The following INPP5E variants were observed in gnomAD, a reference collection of about 807,000 sequenced individuals.
The protein encoded by INPP5E is inositol polyphosphate-5-phosphatase E.
In INPP5E, 34 loss-of-function variants were observed where a neutral mutation model predicts 50.5. That is an observed-to-expected ratio of 0.67 (90% CI 0.51 to 0.90). The LOEUF (loss-of-function observed/expected upper bound fraction) is 0.90, where lower values mean the gene tolerates loss of function less well. Among genes scored for constraint, INPP5E ranks in the 40% least tolerant of loss-of-function variants. The probability of loss-of-function intolerance (pLI) is 0.00; values close to 1 mark genes in which losing one functional copy is unlikely to be tolerated. For synonymous variants in INPP5E, 447 were observed against 406.0 expected (o/e 1.10, Z -1.21); for missense variants, 942 against 905.5 (o/e 1.04, Z -0.52).
At position 136,429,427 on chromosome 9, in the gene INPP5E, C is replaced by G. The variant is rs1437545444; in HGVS notation, c.*248G>C. 2 of 597,530 alleles carry G rather than the reference C, an allele frequency of 3.3e-6. No individual in the cohort carries two copies. The highest frequency in any genetic ancestry group is 6.0e-6 in the Non-Finnish European group (2 of 331,578). 37.0% of individuals were successfully genotyped at this position (597,530 alleles called of 1,614,324 possible). A position where few individuals can be genotyped will look rare whatever the true frequency, so the allele number is the denominator to read the frequency against. ...TGGTGCTGCTGGGCGGGTCCAAACC[C>G]TGCCACCCATGCTGTATGGACCTGC... On this transcript the variant is annotated 3_prime_UTR_variant, in exon 10 of 10. Coordinates refer to ENST00000371712, the MANE Select transcript of INPP5E (RefSeq NM_019892.6).
chr9:136,434,824 C>G lies in INPP5E; in HGVS notation c.852G>C (p.Leu284=). 1.9e-6 allele frequency: 3 copies of G among 1,610,830 alleles called. No homozygotes were observed. Among genetic ancestry groups the G allele is most frequent in the Non-Finnish European group, 2.5e-6 (3 of 1,179,326 alleles). Residue 284 remains leucine (L), a synonymous_variant, in exon 2 of 10, where the codon CTG becomes CTC. Transcript: ENST00000371712. ...AGCGGGCCAGCTCATCCGCCCCCAA[C>G]AGGGCCCCGCTGGCCAGGAGGCTGC... ...LEGSLLASGA[L]LGADELARYF...
intron 2 of INPP5E, 57 bp downstream of exon 2, chr9:136,434,683 G>A (rs549963788): frequency 6.0e-5 from 94 of 1,561,432 alleles, no homozygotes; most frequent in African/African-American, 5.6e-4. Context: ...CCCCTCACCC[G>A]CCTTTGTCCA....
chr9:136,429,653 G>A lies in INPP5E; in HGVS notation c.*22C>T. On this transcript the variant is annotated 3_prime_UTR_variant, in exon 10 of 10. Coordinates refer to ENST00000371712, the MANE Select transcript of INPP5E (RefSeq NM_019892.6). The stretch of plus-strand genomic sequence containing the variant: ...AATACAATCACCCCACGTTGCAGCT[G>A]TGAGTCCTCGTTCAGCAAACTTCAA... The A allele has an allele frequency of 6.2e-7, 1 of 1,613,542 alleles. No individual in the cohort carries two copies.
chr9:136,439,486 G>A lies in INPP5E; in HGVS notation c.-67C>T. ...GCAGCGCGAGGGGTCACGGGTGCCG[G>A]GTCCGGGGTCGCCGGCGCAGCGAGG... is the stretch of plus-strand genomic sequence containing the variant. On this transcript the variant is annotated 5_prime_UTR_variant, in exon 1 of 10. Coordinates refer to ENST00000371712, the MANE Select transcript of INPP5E (RefSeq NM_019892.6). 2 of 1,220,358 alleles carry A rather than the reference G, an allele frequency of 1.6e-6. No homozygotes were observed. Among genetic ancestry groups the A allele is most frequent in the Non-Finnish European group, 2.1e-6 (2 of 938,660 alleles). 75.6% of individuals were successfully genotyped at this position (1,220,358 alleles called of 1,614,324 possible). A position where few individuals can be genotyped will look rare whatever the true frequency, so the allele number is the denominator to read the frequency against.
chr9:136,438,419 A>G (rs1405201804), intron 1 of INPP5E, 189 bp downstream of exon 1: 5 of 629,090 alleles, frequency 7.9e-6, no homozygotes, highest in Non-Finnish European at 1.4e-5. Context: ...TGAAACGCAC[A>G]GGAAAAGTTC....
At position 136,431,255 on chromosome 9, in the gene INPP5E, C is replaced by T. The variant is rs1206948987; in HGVS notation, c.1550-138G>A. 6.0e-5 allele frequency: 26 copies of T among 436,488 alleles called. 4 individuals are homozygous for T. Among genetic ancestry groups the T allele is most frequent in the South Asian group, 3.0e-4 (17 of 56,728 alleles). The allele number at this position is 436,488 out of a possible 1,614,324, so 27.0% of individuals were successfully genotyped here. A position where few individuals can be genotyped will look rare whatever the true frequency, so the allele number is the denominator to read the frequency against. On this transcript the variant is annotated intron_variant, in intron 7 of 9. Transcript: ENST00000371712. ...CAGGCCCTCACCTTTCCTCATCTCC[C>T]GCCACGCCCGCCCCCCCAGGCCCTC...
At chr9:136,430,138 C>T (rs771705093) in intron 9 of INPP5E, 139 bp downstream of exon 9, 375 of 1,167,714 alleles carry the variant, frequency 3.2e-4, no homozygotes, top group Non-Finnish European at 4.0e-4. Flanking sequence ...TGAGTCCAAC[C>T]GATCCCGGGG....
intron 1 of INPP5E, chr9:136,438,286 G>T: frequency 2.2e-6 from 1 of 447,144 alleles, no homozygotes; most frequent in Non-Finnish European, 4.1e-6. Flanking sequence ...AACAACCAAA[G>T]GGGCGGATCG....
At position 136,438,679 on chromosome 9, in the gene INPP5E, G is replaced by A. The variant is rs1416206447; in HGVS notation, c.741C>T (p.Asp247=). ...GRPRSPLACD[D]CSLRSAKSSF... The stretch of plus-strand genomic sequence containing the variant: ...AGGATTTGGCCGAGCGAAGGGAACA[G>A]TCGTCGCAGGCCAGGGGGCTCCGCG... Residue 247 remains aspartate (D), a synonymous_variant, in exon 1 of 10, where the codon GAC becomes GAT. Transcript: ENST00000371712. 5.0e-6 allele frequency: 8 copies of A among 1,595,748 alleles called. No individual in the cohort carries two copies. Among genetic ancestry groups the A allele is most frequent in the Non-Finnish European group, 6.8e-6 (8 of 1,171,746 alleles).
Position 136,429,507 on chromosome 9 carries a change from A to G in INPP5E, c.*168T>C, listed in dbSNP as rs1835649113. ...CCCACACCGTGTGGACCTGCCACAGAGGACAGGCTCGCTCAGGGTTGGCTT... is the reference window on the plus strand; with the variant it reads ...CCCACACCGTGTGGACCTGCCACAGGGGACAGGCTCGCTCAGGGTTGGCTT... On this transcript the variant is annotated 3_prime_UTR_variant, in exon 10 of 10. Transcript: ENST00000371712. 1.1e-6 allele frequency: 1 copy of G among 872,372 alleles called. No individual in the cohort carries two copies. Among genetic ancestry groups the G allele is most frequent in the South Asian group, 1.4e-5 (1 of 73,664 alleles). The allele number at this position is 872,372 out of a possible 1,614,324, so 54.0% of individuals were successfully genotyped here. A position where few individuals can be genotyped will look rare whatever the true frequency, so the allele number is the denominator to read the frequency against.
At position 136,429,815 on chromosome 9, in the gene INPP5E, G is replaced by T; in HGVS notation, c.1803-8C>A. ...CCAGCTGCCAACGGAATGCTGTGGA[G>T]GAGGAGGGGGCGTTAGGAGGGCACC... On this transcript the variant is annotated splice_polypyrimidine_tract_variant and splice_region_variant and intron_variant, in intron 9 of 9. Transcript: ENST00000371712. 6.2e-7 allele frequency: 1 copy of T among 1,612,998 alleles called. No homozygotes were observed. Among genetic ancestry groups the T allele is most frequent in the Non-Finnish European group, 8.5e-7 (1 of 1,179,722 alleles).
chr9:136,432,864 A>G (rs1282426245), intron 5 of INPP5E, 92 bp downstream of exon 5: 113 of 1,497,880 alleles, frequency 7.5e-5, no homozygotes, highest in Non-Finnish European at 3.6e-6. Context: ...AGATGAAGCC[A>G]GCGGTCAGGA....
Position 136,434,847 on chromosome 9 carries a change from T to C in INPP5E, c.829A>G (p.Ser277Gly). The change falls in exon 2 of 10, where the codon AGC becomes GGC. Residue 277 changes from serine (S) to glycine (G), a missense_variant. Ser to Gly is a moderately conservative substitution (Grantham distance 56). Transcript: ENST00000371712. ...DVRSRSYLEG[S>G]LLASGALLGA... ...AACAGGGCCCCGCTGGCCAGGAGGC[T>C]GCCCTCCAGGTAACTCCTGTGACGG... is the stretch of plus-strand genomic sequence containing the variant. 6.2e-7 allele frequency: 1 copy of C among 1,609,580 alleles called. No individual in the cohort carries two copies. The highest frequency in any genetic ancestry group is 8.5e-7 in the Non-Finnish European group (1 of 1,178,740).
Position 136,434,064 on chromosome 9 carries a change from A to T in INPP5E, c.1007T>A (p.Ile336Asn). The T allele has an allele frequency of 6.2e-7, 1 of 1,610,676 alleles. No homozygotes were observed. Among genetic ancestry groups the T allele is most frequent in the Non-Finnish European group, 8.5e-7 (1 of 1,179,390 alleles). ...GTCAGAACAGCCCTCCTGGACCCCG[A>T]TGACATACAGGTCCTGGGCATAGTC... is the stretch of plus-strand genomic sequence containing the variant. ...EADYAQDLYVIGVQEGCSDRR... is the reference protein window; with the variant it reads ...EADYAQDLYVNGVQEGCSDRR... Residue 336 changes from isoleucine (I) to asparagine (N), a missense_variant, in exon 3 of 10, where the codon ATC becomes AAC. Ile to Asn is a moderately radical substitution (Grantham distance 149). Coordinates refer to ENST00000371712, the MANE Select transcript of INPP5E (RefSeq NM_019892.6).
At chr9:136,430,155 G>T in intron 9 of INPP5E, 122 bp downstream of exon 9, 1 of 1,280,276 alleles carries the variant, frequency 7.8e-7, no homozygotes, top group Non-Finnish European at 1.1e-6. Flanking sequence ...GGGGAACACA[G>T]CCCTGAAGGT....
Position 136,438,875 on chromosome 9 carries a change from G to C in INPP5E, c.545C>G (p.Ser182Trp). The C allele has an allele frequency of 2.5e-6, 4 of 1,586,914 alleles. No homozygotes were observed. Among genetic ancestry groups the C allele is most frequent in the Non-Finnish European group, 3.4e-6 (4 of 1,166,654 alleles). ...GGGCAGCAGGCTGGGCAGCCTGGGC[G>C]AGCTCCCCGCCACGGCGGCGTCTCT... The part of the protein sequence containing the change: ...PHRDAAVAGS[S>W]PRLPSLLPPR... The change falls in exon 1 of 10, where the codon TCG becomes TGG. Residue 182 changes from serine to tryptophan, a missense_variant. Transcript: ENST00000371712.
In INPP5E at chr9:136,432,464, C is replaced by T. The variant is rs1464048559; in HGVS notation, c.1387+15G>A. 22 of 1,514,928 alleles carry T rather than the reference C, an allele frequency of 1.5e-5. No homozygotes were observed. Among genetic ancestry groups the T allele is most frequent in the Admixed American group, 5.9e-5 (3 of 50,952 alleles). The allele number at this position is 1,514,928 out of a possible 1,614,324, so 93.8% of individuals were successfully genotyped here. A position where few individuals can be genotyped will look rare whatever the true frequency, so the allele number is the denominator to read the frequency against. On this transcript the variant is annotated intron_variant, in intron 6 of 9. Coordinates refer to ENST00000371712, the MANE Select transcript of INPP5E (RefSeq NM_019892.6). ...CCACGGCGGCACCACCCACACGCAG[C>T]GTGGACGCCCTCACCTGCGCTGGAG...
Position 136,433,059 on chromosome 9 carries a change from C to T in INPP5E, c.1176G>A (p.Thr392=), listed in dbSNP as rs528176529. The T allele has an allele frequency of 5.0e-5, 81 of 1,613,252 alleles. No individual in the cohort carries two copies. Among genetic ancestry groups the T allele is most frequent in the East Asian group, 4.5e-4 (20 of 44,880 alleles). The change falls in exon 5 of 10, where the codon ACG becomes ACA. Residue 392 remains threonine, a synonymous_variant. Coordinates refer to ENST00000371712, the MANE Select transcript of INPP5E (RefSeq NM_019892.6). ...IWFCSEVECS[T]VTTRIVSQIK... is the part of the protein sequence containing the mutation. Reference sequence around the variant, plus strand: ...TCTGAGACACGATGCGTGTGGTCACCGTGGAGCACTCCACCTCTGTGGGAG... The same window carrying T: ...TCTGAGACACGATGCGTGTGGTCACTGTGGAGCACTCCACCTCTGTGGGAG...
Position 136,429,729 on chromosome 9 carries a change from C to T in INPP5E, c.1881G>A (p.Gln627=), listed in dbSNP as rs144720715. The change falls in exon 10 of 10, where the codon CAG becomes CAA. Residue 627 remains glutamine, a synonymous_variant. Transcript: ENST00000371712. ...GIKRRISKEI[Q]RQQALQSQNS... is the part of the protein sequence containing the mutation. ...TCTGACTCTGTAGTGCTTGCTGCCT[C>T]TGAATCTCCTTCGAAATCCGTCTTT... The T allele has an allele frequency of 4.8e-5, 78 of 1,613,966 alleles. No homozygotes were observed. Among genetic ancestry groups the T allele is most frequent in the Non-Finnish European group, 6.4e-5 (75 of 1,180,032 alleles).
Sources: allele counts gnomAD v4.1 joint callset, GRCh38; gene constraint gnomAD v4.1.1; transcripts MANE v1.5; gene names NCBI Gene and HGNC (gene_info 2026-07-23, HGNC 2026-07-21).